ASAP1: variants seen among roughly 807,000 people sequenced by gnomAD.
ASAP1 encodes ArfGAP with SH3 domain, ankyrin repeat and PH domain 1.
In ASAP1, 43 loss-of-function variants were observed where a neutral mutation model predicts 145.2. That is an observed-to-expected ratio of 0.30 (90% CI 0.23 to 0.38). The LOEUF is 0.38. Among genes scored for constraint, ASAP1 ranks in the 10% least tolerant of loss-of-function variants. The pLI is 1.00. For synonymous variants in ASAP1, 546 were observed against 515.5 expected, an observed-to-expected ratio of 1.06 and a Z score of -0.80; for missense variants, 1,018 against 1,355.3, an observed-to-expected ratio of 0.75 and a Z score of 3.91.
intron 3 of ASAP1, among the ~76,000 whole-genome samples, chr8:130,352,911 G>A (rs1418320709): frequency 6.6e-6 from 1 of 152,144 alleles, no homozygotes; most frequent in African/African-American, 2.4e-5. Context: ...AGCCTCTAAT[G>A]CCAGACCCAA....
chr8:130,151,606 G>A (rs756231380), intron 13 of ASAP1, among the ~76,000 whole-genome samples: 6 of 152,160 alleles, frequency 3.9e-5, no homozygotes, highest in Non-Finnish European at 8.8e-5. Flanking sequence ...TGAAAAGTGT[G>A]CTGCGAGGGG....
intron 5 of ASAP1, among the ~76,000 whole-genome samples, chr8:130,211,190 G>C (rs536603995): frequency 1.1e-4 from 16 of 152,172 alleles, no homozygotes; most frequent in African/African-American, 1.9e-4. Context: ...TGTGGAGGAG[G>C]GGGGAGTAAG....
intron 5 of ASAP1, among the ~76,000 whole-genome samples, chr8:130,201,388 A>G (rs914966291): frequency 1.3e-5 from 2 of 152,234 alleles, no homozygotes; most frequent in African/African-American, 4.8e-5. Context: ...CATAAAGTAC[A>G]TTTTACTGGA....
chr8:130,419,616 A>G (rs1390409732), intron 1 of ASAP1, among the ~76,000 whole-genome samples: 1 of 151,992 alleles, frequency 6.6e-6, no homozygotes, highest in Non-Finnish European at 1.5e-5. Context: ...CTGACTCTGC[A>G]CCCCAAATTG....
chr8:130,285,430 G>C (rs980853590), intron 3 of ASAP1, among the ~76,000 whole-genome samples: 17 of 152,054 alleles, frequency 1.1e-4, no homozygotes, highest in Admixed American at 3.3e-4. Context: ...AAAACAAAAT[G>C]ATCTTATCAC....
chr8:130,159,569 A>T (rs952560653), intron 12 of ASAP1, among the ~76,000 whole-genome samples: 4 of 150,020 alleles, frequency 2.7e-5, no homozygotes, highest in Non-Finnish European at 5.9e-5. Context: ...AAAAAAAAAA[A>T]GCGGAGAGGT....
chr8:130,428,530 CACT>C (rs957329090), intron 1 of ASAP1, among the ~76,000 whole-genome samples: 10 of 138,912 alleles, frequency 7.2e-5, no homozygotes, highest in African/African-American at 1.9e-4. Context: ...GCAGCAGCAC[CACT>C]ATCATCACCA....
intron 12 of ASAP1, 78 bp from the exon 13 acceptor site, chr8:130,152,883 A>T: frequency 9.1e-7 from 1 of 1,102,010 alleles, no homozygotes; most frequent in Non-Finnish European, 1.3e-6. Flanking sequence ...ATGATACATA[A>T]TAATAATTAC....
rs559014933 is a variant in ASAP1 at position 130,204,701 on chromosome 8, G to A, written c.405+9855C>T. On this transcript the variant is annotated intron_variant, in intron 5 of 29. Coordinates refer to ENST00000518721, the MANE Select transcript of ASAP1 (RefSeq NM_018482.4). The stretch of plus-strand genomic sequence containing the variant: ...TCTCTCTCTTCCCCTGTAGAGAAGG[G>A]GGAGCTTCCATGCGTCTAAGTCTCT... Among the ~76,000 whole-genome samples, 10 of 152,284 alleles carry A rather than the reference G, an allele frequency of 6.6e-5. No homozygotes were observed. The South Asian group carries it at 2.1e-3, about 32-fold the overall frequency.
At chr8:130,124,386 A>G (rs1019567163) in intron 17 of ASAP1, among the ~76,000 whole-genome samples, 4 of 152,356 alleles carry the variant, frequency 2.6e-5, no homozygotes, top group African/African-American at 9.6e-5. Context: ...CATGTCTACA[A>G]ATATGTGATA....
intron 1 of ASAP1, among the ~76,000 whole-genome samples, chr8:130,406,960 A>C (rs942992438): frequency 1.7e-4 from 26 of 152,206 alleles, no homozygotes; most frequent in Non-Finnish European, 5.9e-5. Context: ...AGCTTTCTCC[A>C]ATTTTCCCAG....
chr8:130,074,759 G>C (rs190058691), intron 27 of ASAP1, among the ~76,000 whole-genome samples: 7 of 152,336 alleles, frequency 4.6e-5, no homozygotes, highest in Admixed American at 3.9e-4. Context: ...CTAAGGAGAG[G>C]AGAGACAGTG....
At chr8:130,067,936 T>C (rs2097433902) in intron 27 of ASAP1, among the ~76,000 whole-genome samples, 1 of 152,168 alleles carries the variant, frequency 6.6e-6, no homozygotes, top group African/African-American at 2.4e-5. Context: ...ACACATTTGG[T>C]ATCAGCGAAG....
chr8:130,357,991 A>G lies in ASAP1; in HGVS notation c.186+26T>C, dbSNP rs888386398. 2.5e-6 allele frequency: 4 copies of G among 1,589,220 alleles called. No homozygotes were observed. In the African/African-American group the frequency reaches 4.1e-5, roughly 16 times the overall value. ...TGCGCGGCGGCAGCGGCGAGCGTGG[A>G]CGGCGGGGGTCCCGGCCCGACCTAC... On this transcript the variant is annotated intron_variant, in intron 3 of 29. Coordinates refer to ENST00000518721, the MANE Select transcript of ASAP1 (RefSeq NM_018482.4).
chr8:130,255,822 CA>C (rs1239703938), intron 3 of ASAP1, among the ~76,000 whole-genome samples: 1 of 152,070 alleles, frequency 6.6e-6, no homozygotes, highest in African/African-American at 2.4e-5. Flanking sequence ...AGAAATGTCA[CA>C]AAAATCTAAC....
chr8:130,131,786 A>AG (rs2097583545), intron 15 of ASAP1, among the ~76,000 whole-genome samples: 1 of 152,180 alleles, frequency 6.6e-6, no homozygotes. Flanking sequence ...TGACAGAGTG[A>AG]GACCTTGTCT....
chr8:130,300,161 G>C (rs866905346), intron 3 of ASAP1, among the ~76,000 whole-genome samples: 21,109 of 109,998 alleles, frequency 0.19, 1,405 homozygotes, highest in African/African-American at 0.21. Context: ...CACAGAGAGA[G>C]AGAGAGAGAG....
intron 3 of ASAP1, among the ~76,000 whole-genome samples, chr8:130,300,184 A>AGAGCGAGCGAGC (rs1554876475): frequency 7.1e-5 from 10 of 140,278 alleles, no homozygotes; most frequent in African/African-American, 2.5e-4. Flanking sequence ...AGAGAGAGAG[A>AGAGCGAGCGAGC]GAGCGAGCGA....
At chr8:130,074,960 G>A (rs1010662854) in intron 27 of ASAP1, among the ~76,000 whole-genome samples, 10 of 152,152 alleles carry the variant, frequency 6.6e-5, no homozygotes, top group Non-Finnish European at 1.0e-4. Context: ...CTTTGGTGAT[G>A]GGCTGACGCC....
Sources: allele counts gnomAD v4.1 joint callset (sites outside exome capture counted in the v4.1 genomes callset), GRCh38; gene constraint gnomAD v4.1.1; transcripts MANE v1.5; gene names NCBI Gene and HGNC (gene_info 2026-07-23, HGNC 2026-07-21).